Variants in CHST4 observed in about 807,000 individuals in gnomAD.
CHST4 encodes the protein GST-3.
For synonymous variants in CHST4, 171 were observed against 195.5 expected, an observed-to-expected ratio of 0.87 and a Z score of 1.05; for missense variants, 466 against 506.0, an observed-to-expected ratio of 0.92 and a Z score of 0.76.
chr16:71,532,048 G>GTTTT (rs71153643), intron 1 of CHST4, among the ~76,000 whole-genome samples: 1 of 131,184 alleles, frequency 7.6e-6, no homozygotes, highest in Non-Finnish European at 1.6e-5. Flanking sequence ...TGGTCCTGTT[G>GTTTT]TTTTTTTTTT....
chr16:71,526,587 C>T (rs1018414577), intron 1 of CHST4, 92 bp downstream of exon 1: 3 of 152,194 alleles, frequency 2.0e-5, no homozygotes, highest in Non-Finnish European at 4.4e-5. Context: ...GGCAGCTAAG[C>T]TAGAGATTAC....
chr16:71,531,403 A>G (rs1219579513), intron 1 of CHST4, among the ~76,000 whole-genome samples: 1 of 152,166 alleles, frequency 6.6e-6, no homozygotes, highest in African/African-American at 2.4e-5. Context: ...CTAGATCCAG[A>G]TGTGTCTTGG....
rs2043998345 is a variant in CHST4 at position 71,537,313 on chromosome 16, T to C, written c.636T>C (p.Arg212=). 1 of 1,614,068 alleles carries C rather than the reference T, an allele frequency of 6.2e-7. No homozygotes were observed. Among genetic ancestry groups the C allele is most frequent in the Non-Finnish European group, 8.5e-7 (1 of 1,180,044 alleles). ...TCCGGGACCCCCGGGCCGTGTTCCG[T>C]TCCCGAGAACGCACAAAGGGAGATC... ...HLVRDPRAVF[R]SRERTKGDLM... Residue 212 remains arginine (R), a synonymous_variant, in exon 2 of 2, where the codon CGT becomes CGC. Coordinates refer to ENST00000539698, the MANE Select transcript of CHST4 (RefSeq NM_001166395.2). This position sits in a 1 kb window ranked among gnomAD's most constrained non-coding sequence, Gnocchi z 4.2.
chr16:71,536,831 C>A lies in CHST4; in HGVS notation c.154C>A (p.Arg52Ser), dbSNP rs201107063. ...GCACGTGCTGGTTCTGTCTTCCTGG[C>A]GCTCTGGCTCTTCTTTTGTGGGGCA... Reference protein sequence around the residue: ...RMHVLVLSSWRSGSSFVGQLF... With the variant: ...RMHVLVLSSWSSGSSFVGQLF... The change falls in exon 2 of 2, where the codon CGC becomes AGC. Residue 52 changes from arginine to serine, a missense_variant. Arg to Ser is a moderately radical substitution (Grantham distance 110, BLOSUM62 -1). Transcript: ENST00000539698. 1.9e-6 allele frequency: 3 copies of A among 1,540,496 alleles called. No individual in the cohort carries two copies. Among genetic ancestry groups the A allele is most frequent in the African/African-American group, 2.8e-5 (2 of 72,544 alleles).
At chr16:71,532,793 G>A (rs2043958108) in intron 1 of CHST4, among the ~76,000 whole-genome samples, 1 of 152,170 alleles carries the variant, frequency 6.6e-6, no homozygotes, top group Non-Finnish European at 1.5e-5. Context: ...ATGTGTGACG[G>A]TGTGTGAACA....
Position 71,538,002 on chromosome 16 carries a change from C to T in CHST4, c.*164C>T, listed in dbSNP as rs547530558. 1 of 657,970 alleles carries T rather than the reference C, an allele frequency of 1.5e-6. No homozygotes were observed. Among genetic ancestry groups the T allele is most frequent in the East Asian group, 2.7e-5 (1 of 36,394 alleles). The allele number at this position is 657,970 out of a possible 1,614,324, so 40.8% of individuals were successfully genotyped here. On this transcript the variant is annotated 3_prime_UTR_variant, in exon 2 of 2. Coordinates refer to ENST00000539698, the MANE Select transcript of CHST4 (RefSeq NM_001166395.2). ...GCTCAAGCAGAAGGACTTTTGTGTC[C>T]ATGCTTGTGTCTAGAAAACAGACTG...
chr16:71,537,228 T>A lies in CHST4; in HGVS notation c.551T>A (p.Leu184Gln), dbSNP rs1374951104. The change falls in exon 2 of 2, where the codon CTG becomes CAG. Residue 184 changes from leucine to glutamine, a missense_variant. By Grantham distance (113) the Leu-to-Gln change is moderately radical (BLOSUM62 -2). Coordinates refer to ENST00000539698, the MANE Select transcript of CHST4 (RefSeq NM_001166395.2). This position sits in a 1 kb window ranked among gnomAD's most constrained non-coding sequence, Gnocchi z 4.2. Reference protein sequence around the residue: ...VVLKEVRFFNLQSLYPLLKDP... With the variant: ...VVLKEVRFFNQQSLYPLLKDP... ...CTCAAGGAGGTGCGCTTCTTCAACC[T>A]GCAGTCCCTCTACCCGCTGCTGAAA... The A allele has an allele frequency of 2.5e-6, 4 of 1,614,206 alleles. No homozygotes were observed. Among genetic ancestry groups the A allele is most frequent in the Admixed American group, 1.7e-5 (1 of 60,018 alleles).
At chr16:71,531,323 A>C (rs887954341) in intron 1 of CHST4, among the ~76,000 whole-genome samples, 3 of 152,144 alleles carry the variant, frequency 2.0e-5, no homozygotes, top group Admixed American at 6.5e-5. Context: ...TACAGTCTTC[A>C]GAAATGAGTT....
chr16:71,529,227 C>T (rs183805336), intron 1 of CHST4, among the ~76,000 whole-genome samples: 4 of 151,414 alleles, frequency 2.6e-5, no homozygotes, highest in Non-Finnish European at 4.4e-5. Flanking sequence ...AATTTTCATA[C>T]AGGAAGAGAA....
Position 71,537,218 on chromosome 16 carries a change from T to C in CHST4, c.541T>C (p.Phe181Leu). The C allele has an allele frequency of 1.2e-6, 2 of 1,614,160 alleles. No homozygotes were observed. Among genetic ancestry groups the C allele is most frequent in the South Asian group, 2.2e-5 (2 of 91,082 alleles). Residue 181 changes from phenylalanine to leucine, a missense_variant, in exon 2 of 2, where the codon TTC becomes CTC. Coordinates refer to ENST00000539698, the MANE Select transcript of CHST4 (RefSeq NM_001166395.2). This position sits in a 1 kb window ranked among gnomAD's most constrained non-coding sequence, Gnocchi z 4.2. ...CCACGTGGTGCTCAAGGAGGTGCGC[T>C]TCTTCAACCTGCAGTCCCTCTACCC... ...YSHVVLKEVR[F>L]FNLQSLYPLL...
intron 1 of CHST4, among the ~76,000 whole-genome samples, chr16:71,531,466 AG>A (rs1239151810): frequency 6.6e-6 from 1 of 152,212 alleles, no homozygotes; most frequent in African/African-American, 2.4e-5. Flanking sequence ...CTTTCTACCC[AG>A]GGCAAGTGCT....
At chr16:71,526,373 C>G (rs916653688), upstream of CHST4, 1 of 152,098 alleles carries the variant, frequency 6.6e-6, no homozygotes, top group East Asian at 1.9e-4. Context: ...TGAGTAGGGA[C>G]GGTTATGCAA....
In CHST4 at chr16:71,537,424, C is replaced by T. The variant is rs1164867336; in HGVS notation, c.747C>T (p.Ile249=). 1 of 1,613,706 alleles carries T rather than the reference C, an allele frequency of 6.2e-7. No homozygotes were observed. Among genetic ancestry groups the T allele is most frequent in the Non-Finnish European group, 8.5e-7 (1 of 1,179,946 alleles). ...AACCCTACTATGTGATGCAGGTCAT[C>T]TGCCAAAGCCAGCTGGAGATCTACA... ...EDQPYYVMQV[I]CQSQLEIYKT... Residue 249 remains isoleucine (I), a synonymous_variant, in exon 2 of 2, where the codon ATC becomes ATT. Transcript: ENST00000539698. The surrounding 1 kb of genome is among the most constrained non-coding windows in gnomAD (Gnocchi z 4.2).
At chr16:71,530,272 G>A (rs2043938397) in intron 1 of CHST4, among the ~76,000 whole-genome samples, 1 of 152,148 alleles carries the variant, frequency 6.6e-6, no homozygotes, top group African/African-American at 2.4e-5. Context: ...AAAAATCTCA[G>A]GGCTTTTAAA....
At chr16:71,528,939 G>A (rs1043046815) in intron 1 of CHST4, among the ~76,000 whole-genome samples, 1 of 152,234 alleles carries the variant, frequency 6.6e-6, no homozygotes, top group Admixed American at 6.5e-5. Context: ...CTTTGGTGGC[G>A]TTTTCAAGTT....
intron 1 of CHST4, among the ~76,000 whole-genome samples, chr16:71,527,302 T>A (rs567115148): frequency 6.6e-6 from 1 of 152,288 alleles, no homozygotes; most frequent in East Asian, 1.9e-4. Context: ...CTGTGACATA[T>A]TTGAAGAGAT....
In CHST4 at chr16:71,537,239, T is replaced by C. The variant is rs1221918367; in HGVS notation, c.562T>C (p.Tyr188His). The C allele has an allele frequency of 3.0e-5, 48 of 1,614,014 alleles. No homozygotes were observed. The highest frequency in any genetic ancestry group is 4.1e-5 in the Non-Finnish European group (48 of 1,180,022). ...GCGCTTCTTCAACCTGCAGTCCCTC[T>C]ACCCGCTGCTGAAAGACCCCTCCCT... The part of the protein sequence containing the change: ...EVRFFNLQSL[Y>H]PLLKDPSLNL... Residue 188 changes from tyrosine (Y) to histidine (H), a missense_variant, in exon 2 of 2, where the codon TAC (tyrosine) becomes CAC (histidine). By Grantham distance (83) the Tyr-to-His change is moderately conservative. Coordinates refer to ENST00000539698, the MANE Select transcript of CHST4 (RefSeq NM_001166395.2). This position sits in a 1 kb window ranked among gnomAD's most constrained non-coding sequence, Gnocchi z 4.2.
In CHST4 at chr16:71,538,458, T is replaced by C. The variant is rs954992922; in HGVS notation, c.*620T>C. On this transcript the variant is annotated 3_prime_UTR_variant, in exon 2 of 2. Coordinates refer to ENST00000539698, the MANE Select transcript of CHST4 (RefSeq NM_001166395.2). ...TTCCCCTCTGCATTTTCCCATCACA[T>C]AGAAGACTTTGACCTGTGAAGCTGC... is the stretch of plus-strand genomic sequence containing the variant. 6.0e-6 allele frequency: 1 copy of C among 167,208 alleles called. No individual in the cohort carries two copies. The highest frequency in any genetic ancestry group is 1.5e-5 in the Non-Finnish European group (1 of 68,206). The allele number at this position is 167,208 out of a possible 1,614,324, so 10.4% of individuals were successfully genotyped here. A position where few individuals can be genotyped will look rare whatever the true frequency, so the allele number is the denominator to read the frequency against.
intron 1 of CHST4, among the ~76,000 whole-genome samples, chr16:71,536,359 T>C (rs1188945816): frequency 6.6e-6 from 1 of 152,208 alleles, no homozygotes; most frequent in Non-Finnish European, 1.5e-5. Context: ...CATTTCCTTA[T>C]GTTGATTAAA....
Sources: gnomAD v4.1 joint callset for allele counts (sites outside exome capture counted in the v4.1 genomes callset) on GRCh38, gnomAD v4.1.1 for gene constraint, Gnocchi (gnomAD v3.1) non-coding constraint, MANE v1.5 for transcripts, NCBI Gene and HGNC (gene_info 2026-07-23, HGNC 2026-07-21) for gene names.